The following PKD1L1 variants were observed in gnomAD, a reference collection of about 807,000 sequenced individuals.
The protein encoded by PKD1L1 is polycystin-1-like protein 1.
Under a neutral mutation model 323.4 loss-of-function variants are expected in PKD1L1, and 236 were observed. The ratio of observed to expected loss-of-function variants is 0.73; its 90% CI spans 0.66 to 0.81. The LOEUF is 0.81. PKD1L1 is among the 40% of genes least tolerant of loss of function. PKD1L1 has a pLI of 0.00. For missense variants in PKD1L1, 3,320 were observed against 3,508.0 expected (o/e 0.95, Z 1.35); for synonymous variants, 1,344 against 1,335.0 (o/e 1.01, Z -0.15).
At chr7:47,793,888 C>T (rs1427521391) in intron 55 of PKD1L1, among the ~76,000 whole-genome samples, 1 of 152,118 alleles carries the variant, frequency 6.6e-6, no homozygotes, top group Non-Finnish European at 1.5e-5. Context: ...GGAACTGGAG[C>T]AAAGGTGACT....
chr7:47,889,510 T>G (rs1477047108), intron 16 of PKD1L1, among the ~76,000 whole-genome samples: 1 of 152,142 alleles, frequency 6.6e-6, no homozygotes, highest in Non-Finnish European at 1.5e-5. Context: ...TGTATGACCT[T>G]GGGGCTCACC....
rs142765615 is a variant in PKD1L1 at position 47,813,429 on chromosome 7, C to T, written c.7174-136G>A. ...TGGCACCCTTCTCTCCTCATAGGAT[C>T]GTTCTGCAGCCTGTTTCGTGGTCTA... is the stretch of plus-strand genomic sequence containing the variant. On this transcript the variant is annotated intron_variant, in intron 48 of 56. Transcript: ENST00000289672. The T allele has an allele frequency of 1.2e-4, 111 of 938,084 alleles. 3 individuals are homozygous for T. In the East Asian group the frequency reaches 2.9e-3, roughly 24 times the overall value. The allele number at this position is 938,084 out of a possible 1,614,324, so 58.1% of individuals were successfully genotyped here.
chr7:47,935,642 A>G (rs1366368676), intron 4 of PKD1L1, among the ~76,000 whole-genome samples: 1 of 152,220 alleles, frequency 6.6e-6, no homozygotes, highest in Non-Finnish European at 1.5e-5. Context: ...ATTTCCACCT[A>G]GGGGCTGAAT....
chr7:47,857,154 T>TG (rs1785923057), intron 28 of PKD1L1, among the ~76,000 whole-genome samples: 1 of 152,194 alleles, frequency 6.6e-6, no homozygotes, highest in East Asian at 1.9e-4. Context: ...GCAGGGAGGA[T>TG]GGGGGGTAAG....
intron 7 of PKD1L1, among the ~76,000 whole-genome samples, chr7:47,921,223 T>C (rs376343271): frequency 1.2e-5 from 1 of 86,944 alleles, no homozygotes; most frequent in Admixed American, 1.6e-4. Flanking sequence ...CCTAAGGACA[T>C]GAATAGACAA....
At chr7:47,785,512 C>T (rs1249488359) in intron 56 of PKD1L1, among the ~76,000 whole-genome samples, 1 of 152,140 alleles carries the variant, frequency 6.6e-6, no homozygotes, top group Non-Finnish European at 1.5e-5. Context: ...TTACCTCTCT[C>T]AGTGGTCTCA....
At chr7:47,890,411 T>C in intron 16 of PKD1L1, 131 bp downstream of exon 16, 1 of 860,986 alleles carries the variant, frequency 1.2e-6, no homozygotes, top group African/African-American at 1.7e-5. Flanking sequence ...TCCTCCTCCT[T>C]TGCAGTGAGA....
intron 21 of PKD1L1, among the ~76,000 whole-genome samples, chr7:47,878,069 T>C (rs1172403336): frequency 6.6e-6 from 1 of 151,948 alleles, no homozygotes; most frequent in Non-Finnish European, 1.5e-5. Flanking sequence ...GCAAACTTTC[T>C]CCATTCTCCT....
chr7:47,814,890 C>T (rs1358857775), intron 47 of PKD1L1, among the ~76,000 whole-genome samples: 4 of 152,190 alleles, frequency 2.6e-5, no homozygotes, highest in Non-Finnish European at 4.4e-5. Flanking sequence ...TGCATATTAA[C>T]TTTTTCTTCC....
upstream of PKD1L1, among the ~76,000 whole-genome samples, chr7:47,953,256 G>T (rs1788229796): frequency 2.0e-5 from 3 of 152,122 alleles, no homozygotes; most frequent in South Asian, 6.2e-4. Flanking sequence ...AATGTTTTAG[G>T]CCCTCAAGCA....
At chr7:47,795,202 C>A in intron 55 of PKD1L1, 1 of 342,338 alleles carries the variant, frequency 2.9e-6, no homozygotes, top group Non-Finnish European at 5.8e-6. Context: ...CAAATCTCAA[C>A]TAGAATTATA....
chr7:47,806,661 C>T (rs12671226), intron 52 of PKD1L1, among the ~76,000 whole-genome samples: 9,509 of 152,308 alleles, frequency 0.062, 425 homozygotes, highest in East Asian at 0.2. Context: ...CAAATAATTG[C>T]TTAATGCAGA....
Position 47,857,710 on chromosome 7 carries a change from A to G in PKD1L1, c.4485T>C (p.Leu1495=). The change falls in exon 28 of 57, where the codon CTT becomes CTC. Residue 1495 remains leucine (L), a synonymous_variant. Coordinates refer to ENST00000289672, the MANE Select transcript of PKD1L1 (RefSeq NM_138295.5). The part of the protein sequence containing the change: ...GSVQVHLPGD[L]AGHSPAGAET... ...CCGCCCCAGCAGGACTGTGCCCAGC[A>G]AGGTCACCAGGTAAATGCACCTGGA... The G allele has an allele frequency of 6.2e-7, 1 of 1,614,030 alleles. No individual in the cohort carries two copies. The highest frequency in any genetic ancestry group is 1.7e-5 in the Admixed American group (1 of 60,018).
intron 56 of PKD1L1, among the ~76,000 whole-genome samples, chr7:47,790,531 C>T (rs1786918455): frequency 1.3e-5 from 2 of 151,958 alleles, no homozygotes; most frequent in South Asian, 2.1e-4. Flanking sequence ...CAGGGTTTCA[C>T]TGTGTTAGCC....
chr7:47,827,501 C>A lies in PKD1L1; in HGVS notation c.6736-33G>T, dbSNP rs549020800. On this transcript the variant is annotated intron_variant, in intron 44 of 56. Coordinates refer to ENST00000289672, the MANE Select transcript of PKD1L1 (RefSeq NM_138295.5). The stretch of plus-strand genomic sequence containing the variant: ...GGACAAGAGTGCTGTGAGCTGCGGG[C>A]TGGTGGGTGGAAGGAGAGAGGCCCC... 45 of 1,567,346 alleles carry A rather than the reference C, an allele frequency of 2.9e-5. No homozygotes were observed. The East Asian group carries it at 5.9e-4, about 21-fold the overall frequency.
chr7:47,927,422 C>T (rs956166676), intron 7 of PKD1L1, among the ~76,000 whole-genome samples: 26 of 152,050 alleles, frequency 1.7e-4, no homozygotes, highest in African/African-American at 6.3e-4. Context: ...CGCGCCACCA[C>T]GCCCAGCTAA....
upstream of PKD1L1, chr7:47,948,580 G>T: frequency 1.4e-6 from 1 of 736,148 alleles, no homozygotes; most frequent in South Asian, 1.8e-5. Flanking sequence ...CAAACACAGA[G>T]GGAAAAATCC....
chr7:47,959,996 C>T, the PKD1L1 span, among the ~76,000 whole-genome samples: 4 of 151,714 alleles, frequency 2.6e-5, no homozygotes, highest in South Asian at 2.1e-4. Flanking sequence ...GAGGTGGACA[C>T]GGGAGACTTT....
In PKD1L1 at chr7:47,840,423, C is replaced by G; in HGVS notation, c.5552+38G>C. 6.6e-7 allele frequency: 1 copy of G among 1,509,554 alleles called. No homozygotes were observed. The highest frequency in any genetic ancestry group is 9.2e-7 in the Non-Finnish European group (1 of 1,085,650). 93.5% of individuals were successfully genotyped at this position (1,509,554 alleles called of 1,614,324 possible). On this transcript the variant is annotated intron_variant, in intron 35 of 56. Coordinates refer to ENST00000289672, the MANE Select transcript of PKD1L1 (RefSeq NM_138295.5). This position sits in a 1 kb window ranked among gnomAD's most constrained non-coding sequence, Gnocchi z 4.1. ...AGGTTACACCAATTCTGATTGGCCT[C>G]TCTTTCCCAAATCTAGCAGTGAAAT...
Sources: allele counts gnomAD v4.1 joint callset (sites outside exome capture counted in the v4.1 genomes callset), GRCh38; gene constraint gnomAD v4.1.1; non-coding constraint Gnocchi (gnomAD v3.1); transcripts MANE v1.5; gene names NCBI Gene and HGNC (gene_info 2026-07-23, HGNC 2026-07-21).